Variants in APC observed in about 807,000 individuals in gnomAD.
APC encodes adenomatous polyposis coli protein.
In APC, 72 loss-of-function variants were observed where a neutral mutation model predicts 247.0. The observed-to-expected ratio is 0.29, with a 90% CI of 0.24 to 0.35. The LOEUF (loss-of-function observed/expected upper bound fraction) is 0.35, where lower values mean the gene tolerates loss of function less well. Ranked by LOEUF, APC falls within the 10% of genes least tolerant of loss-of-function variation. The probability of loss-of-function intolerance (pLI) is 1.00; values close to 1 mark genes in which losing one functional copy is unlikely to be tolerated. For missense variants in APC, 3,400 were observed against 3,360.7 expected, an observed-to-expected ratio of 1.01 and a Z score of -0.29; for synonymous variants, 1,254 against 1,162.5, an observed-to-expected ratio of 1.08 and a Z score of -1.60.
At chr5:112,775,769 A>T (rs2149616701) in intron 5 of APC, 32 bp downstream of exon 5, 2 of 1,154,108 alleles carry the variant, frequency 1.7e-6, no homozygotes, top group East Asian at 4.7e-5. Context: ...CTTATTTGAA[A>T]CTTTAATAAC....
In APC at chr5:112,821,962, A is replaced by G. The variant is rs2149792516; in HGVS notation, c.1379A>G (p.Glu460Gly). 5 of 1,613,112 alleles carry G rather than the reference A, an allele frequency of 3.1e-6. No individual in the cohort carries two copies. The highest frequency in any genetic ancestry group is 3.4e-6 in the Non-Finnish European group (4 of 1,179,462). ...VCVLMKLSFD[E>G]EHRHAMNELG... Reference sequence around the variant, plus strand: ...GTTCTAATGAAACTTTCATTTGATGAAGAGCATAGACATGCAATGAATGAA... The same window carrying G: ...GTTCTAATGAAACTTTCATTTGATGGAGAGCATAGACATGCAATGAATGAA... The change falls in exon 11 of 16, where the codon GAA becomes GGA. Residue 460 changes from glutamate to glycine, a missense_variant. By Grantham distance (98) the Glu-to-Gly change is moderately conservative. Around this residue, in one of 9 missense-constraint regions of APC, gnomAD observed 199 missense variants for 212.5 expected, o/e 0.94. Transcript: ENST00000257430.
chr5:112,765,206 G>C (rs1409840724), intron 2 of APC, among the ~76,000 whole-genome samples: 1 of 152,162 alleles, frequency 6.6e-6, no homozygotes, highest in Non-Finnish European at 1.5e-5. Flanking sequence ...CTGGGCTCAA[G>C]TGATTCTCCT....
rs906640629 is a variant in APC at position 112,841,995 on chromosome 5, C to T, written c.6401C>T (p.Ser2134Phe). The change falls in exon 16 of 16, where the codon TCC becomes TTC. Residue 2134 changes from serine (S) to phenylalanine (F), a missense_variant. Coordinates refer to ENST00000257430, the MANE Select transcript of APC (RefSeq NM_000038.6). The surrounding 1 kb of genome is among the most constrained non-coding windows in gnomAD (Gnocchi z 4.6). ...LSRQASSDSD[S>F]ILSLKSGISL... The stretch of plus-strand genomic sequence containing the variant: ...AGACAAGCTTCGTCTGATTCAGATT[C>T]CATCCTTTCCCTGAAATCAGGAATC... The T allele has an allele frequency of 6.2e-7, 1 of 1,613,064 alleles. No homozygotes were observed. The highest frequency in any genetic ancestry group is 2.2e-5 in the East Asian group (1 of 44,862).
At position 112,843,923 on chromosome 5, in the gene APC, G is replaced by T. The variant is rs938418426; in HGVS notation, c.8329G>T (p.Val2777Phe). 6.2e-7 allele frequency: 1 copy of T among 1,612,622 alleles called. No individual in the cohort carries two copies. Among genetic ancestry groups the T allele is most frequent in the Non-Finnish European group, 8.5e-7 (1 of 1,179,024 alleles). Reference protein sequence around the residue: ...SSKHSSPSGTVAARVTPFNYN... With the variant: ...SSKHSSPSGTFAARVTPFNYN... ...CAAACACAGTTCACCTAGTGGGACTGTTGCTGCCAGAGTGACTCCTTTTAA... is the reference window on the plus strand; with the variant it reads ...CAAACACAGTTCACCTAGTGGGACTTTTGCTGCCAGAGTGACTCCTTTTAA... Residue 2777 changes from valine (V) to phenylalanine (F), a missense_variant, in exon 16 of 16, where the codon GTT becomes TTT. By Grantham distance (50) the Val-to-Phe change is conservative (BLOSUM62 -1). Around this residue, in one of 9 missense-constraint regions of APC, gnomAD observed 1,788 missense variants for 1,649.5 expected, o/e 1.08. Transcript: ENST00000257430. This position sits in a 1 kb window ranked among gnomAD's most constrained non-coding sequence, Gnocchi z 4.8.
At chr5:112,735,617 A>G (rs1200136696), upstream of APC, among the ~76,000 whole-genome samples, 2 of 151,990 alleles carry the variant, frequency 1.3e-5, no homozygotes, top group Non-Finnish European at 2.9e-5. Context: ...ATGCTTCAGT[A>G]ATTTTCCATG....
chr5:112,767,788 G>T (rs183979033), intron 4 of APC, among the ~76,000 whole-genome samples: 1 of 151,874 alleles, frequency 6.6e-6, no homozygotes, highest in Non-Finnish European at 1.5e-5. Context: ...CTACCACCAC[G>T]CCTGGCTAAT....
At chr5:112,783,765 C>CA (rs77929348) in intron 6 of APC, 10,220 of 196,378 alleles carry the variant, frequency 0.052, 110 homozygotes, top group African/African-American at 0.12. Context: ...CCACTGCACT[C>CA]AAAAAAAAAA....
At position 112,840,400 on chromosome 5, in the gene APC, T is replaced by A. The variant is rs1160772397; in HGVS notation, c.4806T>A (p.Pro1602=). 6.2e-7 allele frequency: 1 copy of A among 1,614,070 alleles called. No individual in the cohort carries two copies. The highest frequency in any genetic ancestry group is 8.5e-7 in the Non-Finnish European group (1 of 1,180,040). Residue 1602 remains proline, a synonymous_variant, in exon 16 of 16, where the codon CCT becomes CCA. Transcript: ENST00000257430. The surrounding 1 kb of genome is among the most constrained non-coding windows in gnomAD (Gnocchi z 4.1). ...KKPAQTASKL[P]PPVARKPSQL... is the part of the protein sequence containing the mutation. ...CAGCCCAGACTGCTTCAAAATTACC[T>A]CCACCTGTGGCAAGGAAACCAAGTC...
At chr5:112,741,341 T>G (rs1355371905) in intron 1 of APC, among the ~76,000 whole-genome samples, 1 of 152,176 alleles carries the variant, frequency 6.6e-6, no homozygotes, top group Non-Finnish European at 1.5e-5. Context: ...CTGCTTAGAG[T>G]CACAGAGAAT....
At chr5:112,736,879 A>G (rs1752421428), upstream of APC, among the ~76,000 whole-genome samples, 1 of 152,192 alleles carries the variant, frequency 6.6e-6, no homozygotes, top group East Asian at 1.9e-4. Context: ...GCACCACTGC[A>G]CTCGCCTGGT....
At chr5:112,828,534 C>A (rs1456752744) in intron 13 of APC, among the ~76,000 whole-genome samples, 1 of 151,790 alleles carries the variant, frequency 6.6e-6, no homozygotes, top group African/African-American at 2.4e-5. Context: ...CTCACAGTAA[C>A]CTCAAGCTCC....
chr5:112,709,764 G>A (rs759698834), intron 1 of APC, among the ~76,000 whole-genome samples: 1 of 152,044 alleles, frequency 6.6e-6, no homozygotes, highest in African/African-American at 2.4e-5. Flanking sequence ...AATAAGCCAG[G>A]CATGGTGGTG....
intron 1 of APC, among the ~76,000 whole-genome samples, chr5:112,750,394 A>G (rs1754209434): frequency 6.6e-6 from 1 of 151,348 alleles, no homozygotes; most frequent in African/African-American, 2.4e-5. Context: ...TTTTATCCTT[A>G]TGCACTCCTT....
At chr5:112,754,641 A>G (rs993779728) in intron 1 of APC, among the ~76,000 whole-genome samples, 5 of 152,202 alleles carry the variant, frequency 3.3e-5, no homozygotes, top group Non-Finnish European at 5.9e-5. Context: ...TTCAGACACA[A>G]CTAAAGTTCT....
At chr5:112,726,799 C>T (rs928053694) in intron 1 of APC, among the ~76,000 whole-genome samples, 1 of 151,998 alleles carries the variant, frequency 6.6e-6, no homozygotes, top group Non-Finnish European at 1.5e-5. Flanking sequence ...AGATAATTCA[C>T]CTGACCTTGG....
rs1467677722 is a variant in APC, at chr5:112,844,535, A to AT, written c.*409_*410insT. ...AGGGAAAAATTGGTATTTATGCAAA[A>AT]AAAAATGTTTTTGTCCTTGTGAGTC... On this transcript the variant is annotated 3_prime_UTR_variant, in exon 16 of 16. Coordinates refer to ENST00000257430, the MANE Select transcript of APC (RefSeq NM_000038.6). 1 of 239,192 alleles carries AT rather than the reference A, an allele frequency of 4.2e-6. No homozygotes were observed. Among genetic ancestry groups the AT allele is most frequent in the Non-Finnish European group, 8.2e-6 (1 of 122,276 alleles). The allele number at this position is 239,192 out of a possible 1,614,324, so 14.8% of individuals were successfully genotyped here.
chr5:112,762,509 A>G (rs990512613), intron 2 of APC, among the ~76,000 whole-genome samples: 1 of 152,224 alleles, frequency 6.6e-6, no homozygotes, highest in Non-Finnish European at 1.5e-5. Flanking sequence ...ATACTATACA[A>G]CATTTAAAAA....
chr5:112,819,518 T>G (rs1762900372), intron 10 of APC, among the ~76,000 whole-genome samples, 174 bp downstream of exon 10: 1 of 152,178 alleles, frequency 6.6e-6, no homozygotes, highest in African/African-American at 2.4e-5. Context: ...CTAGAAAAAT[T>G]TAGCAAAGGA....
chr5:112,767,125 A>T, intron 3 of APC, 64 bp from the exon 4 acceptor site: 1 of 1,284,048 alleles, frequency 7.8e-7, no homozygotes, highest in Non-Finnish European at 1.1e-6. Context: ...ATAATATAAC[A>T]TTAAGAATAT....
Sources: allele counts gnomAD v4.1 joint callset (sites outside exome capture counted in the v4.1 genomes callset), GRCh38; gene constraint gnomAD v4.1.1; regional missense constraint gnomAD v4.1.1; non-coding constraint Gnocchi (gnomAD v3.1); transcripts MANE v1.5; gene names NCBI Gene and HGNC (gene_info 2026-07-23, HGNC 2026-07-21).